SAMD10: variants seen among roughly 807,000 people sequenced by gnomAD.
The protein encoded by SAMD10 is sterile alpha motif domain-containing protein 10.
In SAMD10, 16 loss-of-function variants were observed where a neutral mutation model predicts 22.5. The observed-to-expected ratio is 0.71, with a 90% CI of 0.48 to 1.08. The LOEUF (loss-of-function observed/expected upper bound fraction) is 1.08. SAMD10 is among the 50% of genes least tolerant of loss of function. SAMD10 has a pLI of 0.00. For missense variants in SAMD10, 227 were observed against 281.3 expected (o/e 0.81, Z 1.38); for synonymous variants, 118 against 122.2 (o/e 0.97, Z 0.23).
chr20:63,978,043 C>A (rs2059037428), intron 1 of SAMD10, among the ~76,000 whole-genome samples: 1 of 152,262 alleles, frequency 6.6e-6, no homozygotes, highest in South Asian at 2.1e-4. Flanking sequence ...GCTGTGCCGC[C>A]CCCCACAGGG....
rs891306633 is a variant in SAMD10 at position 63,974,448 on chromosome 20, G to A, written c.*1062C>T. On this transcript the variant is annotated 3_prime_UTR_variant, in exon 5 of 5. Coordinates refer to ENST00000369886, the MANE Select transcript of SAMD10 (RefSeq NM_080621.5). ...CTCAAAGCACACAGAGGGGACTAGGGGCTCAGCCTCATCTGTCCCTGAGAT... is the reference window on the plus strand; with the variant it reads ...CTCAAAGCACACAGAGGGGACTAGGAGCTCAGCCTCATCTGTCCCTGAGAT... 6.5e-6 allele frequency: 1 copy of A among 152,822 alleles called. No homozygotes were observed. The highest frequency in any genetic ancestry group is 2.4e-5 in the African/African-American group (1 of 41,466). The allele number at this position is 152,822 out of a possible 1,614,324, so 9.5% of individuals were successfully genotyped here. A position where few individuals can be genotyped will look rare whatever the true frequency, so the allele number is the denominator to read the frequency against.
intron 4 of SAMD10, 21 bp downstream of exon 4, chr20:63,975,671 T>G: frequency 6.3e-7 from 1 of 1,585,536 alleles, no homozygotes; most frequent in Non-Finnish European, 8.6e-7. Context: ...CCCCCAGGCC[T>G]CTCTGGCACC....
Position 63,979,392 on chromosome 20 carries a change from G to C in SAMD10, c.76C>G (p.Arg26Gly), listed in dbSNP as rs1401863667. 1 of 1,487,516 alleles carries C rather than the reference G, an allele frequency of 6.7e-7. No individual in the cohort carries two copies. Among genetic ancestry groups the C allele is most frequent in the Non-Finnish European group, 8.9e-7 (1 of 1,125,128 alleles). The allele number at this position is 1,487,516 out of a possible 1,614,324, so 92.1% of individuals were successfully genotyped here. A position where few individuals can be genotyped will look rare whatever the true frequency, so the allele number is the denominator to read the frequency against. ...CCCCGCTCACCGTCCACATCCCGGCGCTCCCCGAAGCCCGCGCGCACGGCC... is the reference window on the plus strand; with the variant it reads ...CCCCGCTCACCGTCCACATCCCGGCCCTCCCCGAAGCCCGCGCGCACGGCC... ...AGAVRAGFGE[R>G]RDVDATAHFS... The change falls in exon 1 of 5, where the codon CGC becomes GGC. Residue 26 changes from arginine (R) to glycine (G), a missense_variant. Transcript: ENST00000369886. This position sits in a 1 kb window ranked among gnomAD's most constrained non-coding sequence, Gnocchi z 7.7.
In SAMD10 at chr20:63,977,604, G is replaced by A. The variant is rs757228781; in HGVS notation, c.92-198C>T. ...GACCTCACCCAGCACAAAAAGAGAA[G>A]AACTGGAAACACCTTTCATCTTGCA... On this transcript the variant is annotated intron_variant, in intron 1 of 4. Transcript: ENST00000369886. The surrounding 1 kb of genome is among the most constrained non-coding windows in gnomAD (Gnocchi z 5.4). Among the ~76,000 whole-genome samples, 19 of 152,214 alleles carry A rather than the reference G, an allele frequency of 1.2e-4. No individual in the cohort carries two copies. Among genetic ancestry groups the A allele is most frequent in the Non-Finnish European group, 2.2e-4 (15 of 68,036 alleles).
At position 63,977,870 on chromosome 20, in the gene SAMD10, C is replaced by A. The variant is rs561858756; in HGVS notation, c.92-464G>T. Among the ~76,000 whole-genome samples, 11 of 152,352 alleles carry A rather than the reference C, an allele frequency of 7.2e-5. No individual in the cohort carries two copies. The South Asian group carries it at 2.3e-3, about 32-fold the overall frequency. ...GGGGAGGTCGTCTGTGCTGGGGAAA[C>A]CGGGCTGAGGATGCTGCTTGCCCAT... On this transcript the variant is annotated intron_variant, in intron 1 of 4. Coordinates refer to ENST00000369886, the MANE Select transcript of SAMD10 (RefSeq NM_080621.5). The surrounding 1 kb of genome is among the most constrained non-coding windows in gnomAD (Gnocchi z 5.4).
rs575376333 is a variant in SAMD10, at chr20:63,977,971, G to A, written c.92-565C>T. 2.0e-5 allele frequency among the ~76,000 whole-genome samples: 3 copies of A among 152,354 alleles called. No homozygotes were observed. In the South Asian group the frequency reaches 6.2e-4, roughly 32 times the overall value. On this transcript the variant is annotated intron_variant, in intron 1 of 4. Transcript: ENST00000369886. The surrounding 1 kb of genome is among the most constrained non-coding windows in gnomAD (Gnocchi z 5.4). ...ACTCACTGACTATGACTCATTGACA[G>A]CCTGAACTGTGGGCCAACTGACAAG...
rs1161383370 is a variant in SAMD10, at chr20:63,974,537, C to T, written c.*973G>A. The T allele has an allele frequency of 1.3e-5, 2 of 152,804 alleles. No homozygotes were observed. Among genetic ancestry groups the T allele is most frequent in the Non-Finnish European group, 2.9e-5 (2 of 68,310 alleles). 9.5% of individuals were successfully genotyped at this position (152,804 alleles called of 1,614,324 possible). ...GCAAGAGGGTGGAGGCGGCTAGGGC[C>T]GCCCTCACTGTCCTTCCGCCAGGCA... On this transcript the variant is annotated 3_prime_UTR_variant, in exon 5 of 5. Transcript: ENST00000369886.
In SAMD10 at chr20:63,979,508, G is replaced by A. The variant is rs1196574990; in HGVS notation, c.-41C>T. The stretch of plus-strand genomic sequence containing the variant: ...CAGGCCCGCGCACACGCCCCTCGCC[G>A]AGTGCAGGGCGGCCGGTGTGGCCGG... On this transcript the variant is annotated 5_prime_UTR_variant, in exon 1 of 5. Transcript: ENST00000369886. The surrounding 1 kb of genome is among the most constrained non-coding windows in gnomAD (Gnocchi z 7.7). The A allele has an allele frequency of 9.9e-6, 12 of 1,215,558 alleles. No homozygotes were observed. Among genetic ancestry groups the A allele is most frequent in the Admixed American group, 4.7e-5 (1 of 21,274 alleles). The allele number at this position is 1,215,558 out of a possible 1,614,324, so 75.3% of individuals were successfully genotyped here. A position where few individuals can be genotyped will look rare whatever the true frequency, so the allele number is the denominator to read the frequency against.
At chr20:63,978,297 C>T in intron 1 of SAMD10, 1 of 1,302,786 alleles carries the variant, frequency 7.7e-7, no homozygotes, top group Non-Finnish European at 1.0e-6. Flanking sequence ...AGAGGGGCAC[C>T]CCACATTCAT....
intron 1 of SAMD10, among the ~76,000 whole-genome samples, chr20:63,978,578 A>C (rs2122942955): frequency 6.6e-6 from 1 of 152,274 alleles, no homozygotes; most frequent in South Asian, 2.1e-4. Flanking sequence ...GGTGAAAACC[A>C]CATCCTACTT....
chr20:63,978,308 T>C (rs935365450), intron 1 of SAMD10: 2 of 1,302,792 alleles, frequency 1.5e-6, no homozygotes, highest in Admixed American at 2.3e-5. Flanking sequence ...CCACATTCAT[T>C]GTCAATGAAT....
chr20:63,976,858 G>C, intron 3 of SAMD10, 113 bp downstream of exon 3: 1 of 985,920 alleles, frequency 1.0e-6, no homozygotes, highest in South Asian at 1.5e-5. Context: ...TTGATTCACA[G>C]GAGAAACTAG....
At position 63,979,481 on chromosome 20, in the gene SAMD10, G is replaced by T. The variant is rs2122948415; in HGVS notation, c.-14C>A. Reference sequence around the variant, plus strand: ...CTCGGTGAACATGGGGCCCGCGGGTGCCAGGCCCGCGCACACGCCCCTCGC... The same window carrying T: ...CTCGGTGAACATGGGGCCCGCGGGTTCCAGGCCCGCGCACACGCCCCTCGC... On this transcript the variant is annotated 5_prime_UTR_variant, in exon 1 of 5. Coordinates refer to ENST00000369886, the MANE Select transcript of SAMD10 (RefSeq NM_080621.5). This position sits in a 1 kb window ranked among gnomAD's most constrained non-coding sequence, Gnocchi z 7.7. The T allele has an allele frequency of 7.4e-7, 1 of 1,344,040 alleles. No individual in the cohort carries two copies. Among genetic ancestry groups the T allele is most frequent in the Admixed American group, 3.9e-5 (1 of 25,910 alleles). 83.3% of individuals were successfully genotyped at this position (1,344,040 alleles called of 1,614,324 possible). A position where few individuals can be genotyped will look rare whatever the true frequency, so the allele number is the denominator to read the frequency against.
chr20:63,975,683 C>T lies in SAMD10; in HGVS notation c.586+9G>A. 1.3e-6 allele frequency: 2 copies of T among 1,596,952 alleles called. No individual in the cohort carries two copies. The highest frequency in any genetic ancestry group is 2.2e-5 in the South Asian group (2 of 89,552). ...CAGCCCCCAGGCCTCTCTGGCACCTCACACTGACCTTGGCTGAGCAGCTGC... is the reference window on the plus strand; with the variant it reads ...CAGCCCCCAGGCCTCTCTGGCACCTTACACTGACCTTGGCTGAGCAGCTGC... On this transcript the variant is annotated intron_variant, in intron 4 of 4. Coordinates refer to ENST00000369886, the MANE Select transcript of SAMD10 (RefSeq NM_080621.5).
rs1341671726 is a variant in SAMD10, at chr20:63,979,184, A to G, written c.91+193T>C. 6.6e-6 allele frequency among the ~76,000 whole-genome samples: 1 copy of G among 151,660 alleles called. No homozygotes were observed. The highest frequency in any genetic ancestry group is 1.5e-5 in the Non-Finnish European group (1 of 67,912). On this transcript the variant is annotated intron_variant, in intron 1 of 4. Transcript: ENST00000369886. The surrounding 1 kb of genome is among the most constrained non-coding windows in gnomAD (Gnocchi z 7.7). ...CTCACCCCAAGCCAAGGGCGCGCTG[A>G]CCCCCAAGGCCTGAGGCTGGCTGCC...
At position 63,979,438 on chromosome 20, in the gene SAMD10, G is replaced by T. The variant is rs1344107369; in HGVS notation, c.30C>A (p.Ser10Arg). MFTELRSKL[S>R]PPRGRAGAVR... ...CGGCCCCGGCGCGGCCACGCGGGGG[G>T]CTCAGCTTGGACCTCAGCTCGGTGA... The change falls in exon 1 of 5, where the codon AGC becomes AGA. Residue 10 changes from serine to arginine, a missense_variant. By Grantham distance (110) the Ser-to-Arg change is moderately radical. Coordinates refer to ENST00000369886, the MANE Select transcript of SAMD10 (RefSeq NM_080621.5). The surrounding 1 kb of genome is among the most constrained non-coding windows in gnomAD (Gnocchi z 7.7). The T allele has an allele frequency of 6.8e-7, 1 of 1,471,572 alleles. No individual in the cohort carries two copies. Among genetic ancestry groups the T allele is most frequent in the Non-Finnish European group, 8.9e-7 (1 of 1,117,742 alleles). The allele number at this position is 1,471,572 out of a possible 1,614,324, so 91.2% of individuals were successfully genotyped here. A position where few individuals can be genotyped will look rare whatever the true frequency, so the allele number is the denominator to read the frequency against.
intron 4 of SAMD10, 49 bp downstream of exon 4, chr20:63,975,641 CAG>C: frequency 6.3e-7 from 1 of 1,575,526 alleles, no homozygotes; most frequent in Non-Finnish European, 8.6e-7. Context: ...ACCCCACACT[CAG>C]AGGGGCTTCT....
At position 63,977,702 on chromosome 20, in the gene SAMD10, C is replaced by T. The variant is rs2059034868; in HGVS notation, c.92-296G>A. On this transcript the variant is annotated intron_variant, in intron 1 of 4. Transcript: ENST00000369886. This position sits in a 1 kb window ranked among gnomAD's most constrained non-coding sequence, Gnocchi z 5.4. ...GGATGTGCCCTCTAGGGAAGGGAAC[C>T]TGAGACATATGACAAGAGGAGCTAT... Among the ~76,000 whole-genome samples, 1 of 152,224 alleles carries T rather than the reference C, an allele frequency of 6.6e-6. No homozygotes were observed.
chr20:63,979,329 G>T lies in SAMD10; in HGVS notation c.91+48C>A, dbSNP rs2122947333. 2 of 1,339,488 alleles carry T rather than the reference G, an allele frequency of 1.5e-6. No homozygotes were observed. The highest frequency in any genetic ancestry group is 2.0e-6 in the Non-Finnish European group (2 of 1,019,078). The allele number at this position is 1,339,488 out of a possible 1,614,324, so 83.0% of individuals were successfully genotyped here. A position where few individuals can be genotyped will look rare whatever the true frequency, so the allele number is the denominator to read the frequency against. ...CCCGCCCCCGTGCCTCTGGGTCCCT[G>T]AGACCCCCGCCCGAGAAATCCCCGC... On this transcript the variant is annotated intron_variant, in intron 1 of 4. Transcript: ENST00000369886. This position sits in a 1 kb window ranked among gnomAD's most constrained non-coding sequence, Gnocchi z 7.7.
Sources: allele counts gnomAD v4.1 joint callset (sites outside exome capture counted in the v4.1 genomes callset), GRCh38; gene constraint gnomAD v4.1.1; non-coding constraint Gnocchi (gnomAD v3.1); transcripts MANE v1.5; gene names NCBI Gene and HGNC (gene_info 2026-07-23, HGNC 2026-07-21).